The following DCAF8 variants were observed in gnomAD, a reference collection of about 807,000 sequenced individuals.
DCAF8 encodes DDB1 and CUL4 associated factor 8.
In DCAF8, 20 loss-of-function variants were observed where a neutral mutation model predicts 68.0. The observed-to-expected ratio is 0.29, with a 90% CI of 0.21 to 0.43. The LOEUF (loss-of-function observed/expected upper bound fraction) is 0.43. Among genes scored for constraint, DCAF8 ranks in the 20% least tolerant of loss-of-function variants. The pLI, the probability that DCAF8 is intolerant of heterozygous loss-of-function variation, is 1.00. For missense variants in DCAF8, 460 were observed against 771.0 expected, an observed-to-expected ratio of 0.60 and a Z score of 4.78; for synonymous variants, 230 against 276.9, an observed-to-expected ratio of 0.83 and a Z score of 1.68.
chr1:160,238,750 G>A lies in DCAF8; in HGVS notation c.724-3C>T. 1 of 1,590,868 alleles carries A rather than the reference G, an allele frequency of 6.3e-7. No homozygotes were observed. The highest frequency in any genetic ancestry group is 1.4e-5 in the African/African-American group (1 of 73,546). On this transcript the variant is annotated splice_region_variant and splice_polypyrimidine_tract_variant and intron_variant, in intron 4 of 13. Transcript: ENST00000368074. ...CCACTGTTAGGAAGAAACTTGGCCTGGGGTGTTAAAAATGAAAAAAAGGAC... is the reference window on the plus strand; with the variant it reads ...CCACTGTTAGGAAGAAACTTGGCCTAGGGTGTTAAAAATGAAAAAAAGGAC...
chr1:160,231,853 A>C (rs1383130406), intron 6 of DCAF8, among the ~76,000 whole-genome samples: 1 of 152,160 alleles, frequency 6.6e-6, no homozygotes, highest in African/African-American at 2.4e-5. Context: ...ACAGTAGGCT[A>C]AAAAAGACCT....
At chr1:160,235,783 G>T (rs757250554) in intron 6 of DCAF8, among the ~76,000 whole-genome samples, 5 of 151,278 alleles carry the variant, frequency 3.3e-5, no homozygotes, top group Non-Finnish European at 7.4e-5. Flanking sequence ...CCGTCACTCA[G>T]GATGGAGTGC....
At chr1:160,240,849 G>A (rs1656085711) in intron 3 of DCAF8, among the ~76,000 whole-genome samples, 1 of 152,146 alleles carries the variant, frequency 6.6e-6, no homozygotes, top group Admixed American at 6.5e-5. Flanking sequence ...TATGGATGTG[G>A]TGTTGCACCA....
At position 160,217,493 on chromosome 1, in the gene DCAF8, A is replaced by T; in HGVS notation, c.*99T>A. On this transcript the variant is annotated 3_prime_UTR_variant, in exon 14 of 14. Coordinates refer to ENST00000368074, the MANE Select transcript of DCAF8 (RefSeq NM_015726.4). ...TTCTTTTATCTAAAGCAAAAAGTCCAAAGTGCGTTTCTGCTGAATGTAGGG... is the reference window on the plus strand; with the variant it reads ...TTCTTTTATCTAAAGCAAAAAGTCCTAAGTGCGTTTCTGCTGAATGTAGGG... 2 of 848,942 alleles carry T rather than the reference A, an allele frequency of 2.4e-6. No individual in the cohort carries two copies. Among genetic ancestry groups the T allele is most frequent in the Non-Finnish European group, 3.7e-6 (2 of 541,854 alleles). The allele number at this position is 848,942 out of a possible 1,614,324, so 52.6% of individuals were successfully genotyped here.
chr1:160,247,018 A>C (rs1372036843), intron 2 of DCAF8, among the ~76,000 whole-genome samples: 1 of 152,254 alleles, frequency 6.6e-6, no homozygotes, highest in Non-Finnish European at 1.5e-5. Flanking sequence ...TTAACTTTAT[A>C]AACTGAGGTC....
Position 160,217,604 on chromosome 1 carries a change from G to T in DCAF8, c.1782C>A (p.Cys594Ter). Residue 594 changes from cysteine (C) to a stop codon, truncating the protein, a stop_gained, in exon 14 of 14, where the codon TGC becomes TGA. Coordinates refer to ENST00000368074, the MANE Select transcript of DCAF8 (RefSeq NM_015726.4). LOFTEE classifies it high-confidence loss of function. ...TAGGTATGAGGCCTCAAGATGGCAT[G>T]CACTGCACCCGGTCAGGGCCCTCCT... ...DEEEGPDRVQ[C>*]MPS The T allele has an allele frequency of 1.2e-6, 2 of 1,613,340 alleles. No individual in the cohort carries two copies.
chr1:160,238,947 G>C, intron 4 of DCAF8, 200 bp from the exon 5 acceptor site: 1 of 664,158 alleles, frequency 1.5e-6, no homozygotes, highest in Non-Finnish European at 2.3e-6. Context: ...AACTTCCTTT[G>C]ATGTAAGAGA....
Position 160,251,028 on chromosome 1 carries a change from A to G in DCAF8, c.-26-6994T>C, listed in dbSNP as rs536267141. 9.8e-5 allele frequency among the ~76,000 whole-genome samples: 15 copies of G among 152,296 alleles called. No homozygotes were observed. The South Asian group carries it at 3.1e-3, about 32-fold the overall frequency. On this transcript the variant is annotated intron_variant, in intron 2 of 13. Coordinates refer to ENST00000368074, the MANE Select transcript of DCAF8 (RefSeq NM_015726.4). ...CGGTCTGTCAAATCTCATGGTTTATATAATCCCAGCATTCTCTCAAACCAG... is the reference window on the plus strand; with the variant it reads ...CGGTCTGTCAAATCTCATGGTTTATGTAATCCCAGCATTCTCTCAAACCAG...
chr1:160,246,325 T>A lies in DCAF8; in HGVS notation c.-26-2291A>T, dbSNP rs1218127255. ...AGAGAACCTCTCTCAAAACCAAGCA[T>A]CAACTCCTACAGGAGCCCAGACTGC... On this transcript the variant is annotated intron_variant, in intron 2 of 13. Transcript: ENST00000368074. 7.9e-5 allele frequency among the ~76,000 whole-genome samples: 12 copies of A among 152,210 alleles called. No homozygotes were observed. The South Asian group carries it at 1.9e-3, about 24-fold the overall frequency.
intron 6 of DCAF8, among the ~76,000 whole-genome samples, chr1:160,235,806 T>C (rs186813638): frequency 6.6e-6 from 1 of 152,122 alleles, no homozygotes; most frequent in East Asian, 1.9e-4. Context: ...TGGCATGATC[T>C]CAGCTCACTG....
At chr1:160,219,330 A>C (rs1173808241) in intron 11 of DCAF8, 1 of 179,952 alleles carries the variant, frequency 5.6e-6, no homozygotes, top group Non-Finnish European at 1.2e-5. Flanking sequence ...CAACTTGCCC[A>C]AGGCTGGAAA....
intron 2 of DCAF8, among the ~76,000 whole-genome samples, chr1:160,248,175 C>T (rs1044449471): frequency 6.6e-6 from 1 of 152,002 alleles, no homozygotes; most frequent in African/African-American, 2.4e-5. Context: ...GGCGTGGTGG[C>T]ACATGCCCGT....
intron 2 of DCAF8, among the ~76,000 whole-genome samples, chr1:160,258,250 G>A (rs1293341306): frequency 1.3e-5 from 2 of 152,148 alleles, no homozygotes; most frequent in South Asian, 2.1e-4. Flanking sequence ...GAGAGGCTGA[G>A]ATGGGAGAAT....
At position 160,225,704 on chromosome 1, in the gene DCAF8, C is replaced by T. The variant is rs372647657; in HGVS notation, c.1071-41G>A. The T allele has an allele frequency of 2.5e-5, 39 of 1,550,994 alleles. No individual in the cohort carries two copies. The East Asian group carries it at 7.9e-4, about 31-fold the overall frequency. On this transcript the variant is annotated intron_variant, in intron 7 of 13. Coordinates refer to ENST00000368074, the MANE Select transcript of DCAF8 (RefSeq NM_015726.4). The stretch of plus-strand genomic sequence containing the variant: ...CAATGAAAATGTAAAAATGTACAAA[C>T]GAAACCCTTGAAGAGCTGCAATTTG...
At chr1:160,234,175 A>C (rs1655790286) in intron 6 of DCAF8, among the ~76,000 whole-genome samples, 1 of 151,810 alleles carries the variant, frequency 6.6e-6, no homozygotes, top group Non-Finnish European at 1.5e-5. Context: ...CCAACTTCAC[A>C]CAAAAATGCC....
chr1:160,243,828 T>G, intron 3 of DCAF8, 132 bp downstream of exon 3: 2 of 824,720 alleles, frequency 2.4e-6, no homozygotes, highest in Middle Eastern at 2.3e-4. Context: ...CCTGTGTAGT[T>G]TCCTAAACTC....
At chr1:160,225,912 C>T (rs899335854) in intron 7 of DCAF8, among the ~76,000 whole-genome samples, 2 of 152,182 alleles carry the variant, frequency 1.3e-5, no homozygotes, top group South Asian at 4.1e-4. Context: ...GGCATGACCC[C>T]GGCTCACTGC....
At chr1:160,254,057 C>T (rs1003447582) in intron 2 of DCAF8, among the ~76,000 whole-genome samples, 53 of 152,160 alleles carry the variant, frequency 3.5e-4, no homozygotes, top group African/African-American at 1.3e-3. Flanking sequence ...GGGTGCGTGG[C>T]TCATGCCTGT....
In DCAF8 at chr1:160,225,597, A is replaced by T. The variant is rs1209085927; in HGVS notation, c.1137T>A (p.His379Gln). The T allele has an allele frequency of 1.2e-6, 2 of 1,613,012 alleles. No individual in the cohort carries two copies. The highest frequency in any genetic ancestry group is 1.3e-5 in the African/African-American group (1 of 75,006). ...NNGVLKKFCP[H>Q]HLVNSESKAN... Reference sequence around the variant, plus strand: ...GGCCCTTCATGAATCTTACCAGGTGATGAGGACAGAACTTCTTGAGTACTC... The same window carrying T: ...GGCCCTTCATGAATCTTACCAGGTGTTGAGGACAGAACTTCTTGAGTACTC... The change falls in exon 8 of 14, where the codon CAT becomes CAA. Residue 379 changes from histidine (H) to glutamine (Q), a missense_variant. Physicochemically the swap from His to Gln is conservative, Grantham distance 24. This residue lies in a region of DCAF8 where 170 missense variants were observed against 318.2 expected (regional missense o/e 0.53). Transcript: ENST00000368074.
Sources: allele counts gnomAD v4.1 joint callset (sites outside exome capture counted in the v4.1 genomes callset), GRCh38; gene constraint gnomAD v4.1.1; regional missense constraint gnomAD v4.1.1; transcripts MANE v1.5; gene names NCBI Gene and HGNC (gene_info 2026-07-23, HGNC 2026-07-21).